The following CHAT variants were observed in gnomAD, a reference collection of about 807,000 sequenced individuals.
CHAT encodes the protein choline O-acetyltransferase.
In CHAT, 61 loss-of-function variants were observed where a neutral mutation model predicts 76.9. The observed-to-expected ratio is 0.79, with a 90% CI of 0.65 to 0.98. The LOEUF (loss-of-function observed/expected upper bound fraction) is 0.98. CHAT is among the 50% of genes least tolerant of loss of function. The pLI, the probability that CHAT is intolerant of heterozygous loss-of-function variation, is 0.00. For synonymous variants in CHAT, 407 were observed against 397.4 expected (o/e 1.02, Z -0.29); for missense variants, 946 against 986.9 (o/e 0.96, Z 0.56).
intron 3 of CHAT, 106 bp downstream of exon 3, chr10:49,620,022 A>T: frequency 8.7e-7 from 1 of 1,155,610 alleles, no homozygotes; most frequent in Non-Finnish European, 1.2e-6. Flanking sequence ...GGGCAGAAGG[A>T]GAGATGAGGG....
At chr10:49,619,550 G>T (rs551436553) in intron 2 of CHAT, among the ~76,000 whole-genome samples, 175 bp from the exon 3 acceptor site, 2 of 152,266 alleles carry the variant, frequency 1.3e-5, no homozygotes, top group South Asian at 2.1e-4. Flanking sequence ...GGTCAGGGAC[G>T]CCAAACAGGA....
At chr10:49,612,267 C>G (rs886609390), upstream of CHAT, 2 of 1,610,554 alleles carry the variant, frequency 1.2e-6, no homozygotes, top group South Asian at 1.1e-5. Context: ...GCCAGGACGG[C>G]GAGCCTCGCA....
chr10:49,624,599 G>A (rs1838847129), intron 5 of CHAT, among the ~76,000 whole-genome samples: 1 of 152,246 alleles, frequency 6.6e-6, no homozygotes, highest in Admixed American at 6.5e-5. Context: ...TTACACCCCA[G>A]TAGAGCAGGA....
rs909105837 is a variant in CHAT, at chr10:49,655,302, A to G, written c.1776+66A>G. 2.5e-6 allele frequency: 4 copies of G among 1,613,342 alleles called. No homozygotes were observed. In the African/African-American group the frequency reaches 4.0e-5, roughly 16 times the overall value. The stretch of plus-strand genomic sequence containing the variant: ...GGCTGCTGTGGTTGCCCTGGGTTGC[A>G]GTGGGCTCGGCCCTCTGACCACCAG... On this transcript the variant is annotated intron_variant, in intron 12 of 14. Transcript: ENST00000337653.
chr10:49,633,923 A>G (rs1300273723), intron 7 of CHAT, among the ~76,000 whole-genome samples: 2 of 152,240 alleles, frequency 1.3e-5, no homozygotes, highest in East Asian at 1.9e-4. Context: ...GCAGAAGGCC[A>G]TGGTCATGGT....
chr10:49,646,823 C>T, intron 8 of CHAT, 149 bp downstream of exon 8: 1 of 886,786 alleles, frequency 1.1e-6, no homozygotes, highest in Non-Finnish European at 1.8e-6. Context: ...GAGGCTGGGT[C>T]TGAGGGGTCA....
rs1838376989 is a variant in CHAT, at chr10:49,614,062, A to C, written c.-128A>C. On this transcript the variant is annotated 5_prime_UTR_variant, in exon 1 of 15. An upstream start codon of the reference 5' UTR is lost. Transcript: ENST00000337653. ...AAATGCTGAGCTAGGGGCAGGAGGC[A>C]TGGGCGGGACAGTGTTCTGTGCCCC... The C allele has an allele frequency of 2.0e-6, 3 of 1,498,290 alleles. No individual in the cohort carries two copies. Among genetic ancestry groups the C allele is most frequent in the Admixed American group, 2.0e-5 (1 of 50,750 alleles). 92.8% of individuals were successfully genotyped at this position (1,498,290 alleles called of 1,614,324 possible).
chr10:49,613,982 C>A, upstream of CHAT: 1 of 885,112 alleles, frequency 1.1e-6, no homozygotes, highest in Non-Finnish European at 1.7e-6. Context: ...CTCCAGGATT[C>A]AGCAGCAGCA....
At chr10:49,659,769 GGA>G (rs1466311668) in intron 13 of CHAT, among the ~76,000 whole-genome samples, 1 of 152,142 alleles carries the variant, frequency 6.6e-6, no homozygotes, top group Non-Finnish European at 1.5e-5. Flanking sequence ...GGCTGAGGCA[GGA>G]GAATCACATG....
rs1232049719 is a variant in CHAT at position 49,627,708 on chromosome 10, A to G, written c.1034A>G (p.Glu345Gly). Residue 345 changes from glutamate to glycine, a missense_variant, in exon 7 of 15, where the codon GAG (glutamate) becomes GGG (glycine). Coordinates refer to ENST00000337653, the MANE Select transcript of CHAT (RefSeq NM_020549.5). ...GTCAAAATGGCTTCCAACGAGGACG[A>G]GCGTTTGCCTCCAATTGGCCTGCTG... ...KIVKMASNED[E>G]RLPPIGLLTS... The G allele has an allele frequency of 6.2e-7, 1 of 1,614,124 alleles. No homozygotes were observed. Among genetic ancestry groups the G allele is most frequent in the Non-Finnish European group, 8.5e-7 (1 of 1,179,964 alleles).
intron 7 of CHAT, among the ~76,000 whole-genome samples, chr10:49,634,537 T>C (rs72795714): frequency 0.16 from 23,638 of 152,092 alleles, 2,477 homozygotes; most frequent in East Asian, 0.45. Context: ...ATGAACTCTG[T>C]GGTGCATTTT....
intron 7 of CHAT, among the ~76,000 whole-genome samples, chr10:49,629,454 T>A (rs928716376): frequency 1.3e-5 from 2 of 152,214 alleles, no homozygotes; most frequent in African/African-American, 4.8e-5. Context: ...CATTCCGCAG[T>A]GAGTTAATTC....
At chr10:49,631,851 A>G (rs150265241) in intron 7 of CHAT, among the ~76,000 whole-genome samples, 250 of 152,272 alleles carry the variant, frequency 1.6e-3, no homozygotes, top group African/African-American at 5.8e-3. Flanking sequence ...ACATACTACC[A>G]TAACGATGAT....
chr10:49,644,566 T>C (rs1054000670), intron 7 of CHAT, among the ~76,000 whole-genome samples: 1 of 152,090 alleles, frequency 6.6e-6, no homozygotes, highest in African/African-American at 2.4e-5. Flanking sequence ...CCTGCCCTCA[T>C]AGGGACGAGG....
chr10:49,658,169 G>A (rs1325986479), intron 13 of CHAT, among the ~76,000 whole-genome samples: 1 of 152,080 alleles, frequency 6.6e-6, no homozygotes, highest in Admixed American at 6.6e-5. Flanking sequence ...ATCACCTGAG[G>A]TCAGGAGATC....
chr10:49,635,251 G>A (rs549925219), intron 7 of CHAT, among the ~76,000 whole-genome samples: 11 of 152,124 alleles, frequency 7.2e-5, no homozygotes, highest in Non-Finnish European at 1.2e-4. Flanking sequence ...TATCCAAATC[G>A]TTGCATGTAT....
At chr10:49,626,572 C>T (rs1271376824) in intron 6 of CHAT, among the ~76,000 whole-genome samples, 2 of 152,122 alleles carry the variant, frequency 1.3e-5, no homozygotes, top group South Asian at 2.1e-4. Flanking sequence ...GCTCTCGCAG[C>T]CCACCTGACA....
At chr10:49,618,407 G>T (rs1838577660) in intron 2 of CHAT, among the ~76,000 whole-genome samples, 1 of 152,140 alleles carries the variant, frequency 6.6e-6, no homozygotes, top group Admixed American at 6.5e-5. Context: ...TTTTACAGGA[G>T]AAGAAACTGT....
chr10:49,616,706 C>G (rs1564470532), intron 2 of CHAT, 104 bp downstream of exon 2: 1 of 806,586 alleles, frequency 1.2e-6, no homozygotes, highest in Non-Finnish European at 2.1e-6. Context: ...TTTGCCTGGC[C>G]CCAGCCCTGC....
Sources: gnomAD v4.1 joint callset for allele counts (sites outside exome capture counted in the v4.1 genomes callset) on GRCh38, gnomAD v4.1.1 for gene constraint, MANE v1.5 for transcripts, NCBI Gene and HGNC (gene_info 2026-07-23, HGNC 2026-07-21) for gene names.